The following WDR26 variants were observed in gnomAD, a reference collection of about 807,000 sequenced individuals.
WDR26 encodes WD repeat domain 26.
Under a neutral mutation model 84.1 loss-of-function variants are expected in WDR26, and 5 were observed. That is an observed-to-expected ratio of 0.06 (90% CI 0.03 to 0.13). The LOEUF (loss-of-function observed/expected upper bound fraction) is 0.13. Ranked by LOEUF, WDR26 falls within the 10% of genes least tolerant of loss-of-function variation. WDR26 has a pLI of 1.00. For synonymous variants in WDR26, 415 were observed against 389.6 expected, an observed-to-expected ratio of 1.07 and a Z score of -0.77; for missense variants, 642 against 974.9, an observed-to-expected ratio of 0.66 and a Z score of 4.55.
intron 12 of WDR26, among the ~76,000 whole-genome samples, chr1:224,394,564 G>C (rs1384923923): frequency 6.6e-6 from 1 of 151,078 alleles, no homozygotes; most frequent in African/African-American, 2.4e-5. Context: ...GAGCGCAGTG[G>C]CAATATCTCG....
chr1:224,431,761 A>C lies in WDR26; in HGVS notation c.743T>G (p.Met248Arg), dbSNP rs1430966537. 6.2e-7 allele frequency: 1 copy of C among 1,612,778 alleles called. No individual in the cohort carries two copies. The highest frequency in any genetic ancestry group is 1.3e-5 in the African/African-American group (1 of 74,924). The stretch of plus-strand genomic sequence containing the variant: ...TTCTAAACGACATCCTGACTCTTGC[A>C]TGAGGAGATCAACAGTCTGGCTGCA... The change falls in exon 2 of 14, where the codon ATG (methionine) becomes AGG (arginine). Residue 248 changes from methionine to arginine, a missense_variant. Coordinates refer to ENST00000414423, the MANE Select transcript of WDR26 (RefSeq NM_001379403.1).
chr1:224,401,282 C>T (rs1456269417), intron 8 of WDR26, among the ~76,000 whole-genome samples: 1 of 152,116 alleles, frequency 6.6e-6, no homozygotes, highest in East Asian at 1.9e-4. Flanking sequence ...ATGTCTGGCA[C>T]AGGTAACCCA....
intron 12 of WDR26, 45 bp from the exon 13 acceptor site, chr1:224,394,058 C>A: frequency 1.5e-6 from 2 of 1,355,204 alleles, no homozygotes; most frequent in South Asian, 2.2e-5. Flanking sequence ...TTAATAAAAC[C>A]AACTAACTGA....
intron 6 of WDR26, among the ~76,000 whole-genome samples, chr1:224,414,514 A>G (rs1291524648): frequency 6.6e-6 from 1 of 152,262 alleles, no homozygotes; most frequent in African/African-American, 2.4e-5. Flanking sequence ...TCATTTATTC[A>G]TAATTCTTTA....
At chr1:224,401,685 AAAAAG>A (rs1256310207) in intron 8 of WDR26, among the ~76,000 whole-genome samples, 3 of 115,086 alleles carry the variant, frequency 2.6e-5, no homozygotes, top group African/African-American at 1.1e-4. Flanking sequence ...AAAAAAAAAA[AAAAAG>A]AAAAAAAAAA....
intron 3 of WDR26, chr1:224,430,364 C>T (rs1487544828): frequency 6.6e-6 from 1 of 151,816 alleles, no homozygotes; most frequent in Non-Finnish European, 1.5e-5. Context: ...AAAAATAATA[C>T]ACTACATCAT....
chr1:224,386,229 G>C lies in WDR26; in HGVS notation c.*3606C>G, dbSNP rs1050012929. ...TAAATCAGATATGGTTTCTGAAATG[G>C]AAGTAATGTGTTGGAGGGCAACCCA... On this transcript the variant is annotated 3_prime_UTR_variant, in exon 14 of 14. Transcript: ENST00000414423. 32 of 152,590 alleles carry C rather than the reference G, an allele frequency of 2.1e-4. No homozygotes were observed. The highest frequency in any genetic ancestry group is 7.5e-4 in the African/African-American group (31 of 41,430). 9.5% of individuals were successfully genotyped at this position (152,590 alleles called of 1,614,324 possible).
At chr1:224,401,154 C>A in intron 8 of WDR26, 85 bp from the exon 9 acceptor site, 1 of 1,375,756 alleles carries the variant, frequency 7.3e-7, no homozygotes, top group Non-Finnish European at 9.9e-7. Flanking sequence ...ACTGGGATGT[C>A]TGGCTGGTTT....
intron 8 of WDR26, among the ~76,000 whole-genome samples, chr1:224,402,283 C>A (rs1221950545): frequency 1.3e-5 from 2 of 152,194 alleles, no homozygotes; most frequent in Admixed American, 6.5e-5. Context: ...TAACTACTCT[C>A]CCCTATTTAC....
rs749749495 is a variant in WDR26, at chr1:224,418,322, G to A, written c.1257C>T (p.His419=). The A allele has an allele frequency of 2.5e-6, 4 of 1,613,646 alleles. No homozygotes were observed. Among genetic ancestry groups the A allele is most frequent in the Non-Finnish European group, 2.5e-6 (3 of 1,179,704 alleles). ...CTAGATTATTATCAAGTTTGGTATT[G>A]TGATATAGGCACCGATCCCTTTGTA... The change falls in exon 6 of 14, where the codon CAC becomes CAT. Residue 419 remains histidine (H), a synonymous_variant. Coordinates refer to ENST00000414423, the MANE Select transcript of WDR26 (RefSeq NM_001379403.1).
chr1:224,409,800 T>C (rs1337705656), intron 7 of WDR26, among the ~76,000 whole-genome samples: 1 of 151,660 alleles, frequency 6.6e-6, no homozygotes, highest in African/African-American at 2.4e-5. Context: ...GAGGTAGAGG[T>C]TGCAGTGAGC....
chr1:224,404,619 T>C lies in WDR26; in HGVS notation c.1459-49A>G, dbSNP rs774661406. The stretch of plus-strand genomic sequence containing the variant: ...AGTTAACCCCTATCACTAAAGTCAT[T>C]GTTTCCCAATGTAAGAACTTAAATA... On this transcript the variant is annotated intron_variant, in intron 7 of 13. Coordinates refer to ENST00000414423, the MANE Select transcript of WDR26 (RefSeq NM_001379403.1). The C allele has an allele frequency of 1.9e-6, 3 of 1,554,722 alleles. No homozygotes were observed. In the South Asian group the frequency reaches 3.6e-5, roughly 19 times the overall value.
In WDR26 at chr1:224,389,742, A is replaced by T; in HGVS notation, c.*93T>A. On this transcript the variant is annotated 3_prime_UTR_variant, in exon 14 of 14. Coordinates refer to ENST00000414423, the MANE Select transcript of WDR26 (RefSeq NM_001379403.1). ...TTTTTCATGACGAGCATGTCTGTCC[A>T]GCTATCAATCATGTTTGTTTGCACC... 7.9e-7 allele frequency: 1 copy of T among 1,258,800 alleles called. No individual in the cohort carries two copies. The highest frequency in any genetic ancestry group is 1.2e-6 in the Non-Finnish European group (1 of 861,428). The allele number at this position is 1,258,800 out of a possible 1,614,324, so 78.0% of individuals were successfully genotyped here.
chr1:224,407,171 T>TAA (rs1553355774), intron 7 of WDR26, among the ~76,000 whole-genome samples: 59 of 94,448 alleles, frequency 6.2e-4, no homozygotes, highest in African/African-American at 2.3e-3. Flanking sequence ...TATATATATA[T>TAA]AACTCAAAAA....
chr1:224,391,446 G>C (rs1457253932), intron 13 of WDR26, among the ~76,000 whole-genome samples: 2 of 149,430 alleles, frequency 1.3e-5, no homozygotes, highest in East Asian at 3.9e-4. Flanking sequence ...TAATTCTACT[G>C]TTAAAATTTT....
intron 6 of WDR26, among the ~76,000 whole-genome samples, chr1:224,415,578 A>G (rs1355296155): frequency 1.4e-5 from 2 of 148,110 alleles, no homozygotes; most frequent in African/African-American, 2.5e-5. Context: ...CTCCTGCCTC[A>G]GCCTCCTGAG....
intron 6 of WDR26, among the ~76,000 whole-genome samples, chr1:224,418,012 A>C (rs1673955917): frequency 6.6e-6 from 1 of 152,200 alleles, no homozygotes; most frequent in Admixed American, 6.5e-5. Context: ...CAGACACAGG[A>C]AACAAGTAAC....
At chr1:224,423,569 C>T (rs1674126037) in intron 4 of WDR26, among the ~76,000 whole-genome samples, 3 of 152,090 alleles carry the variant, frequency 2.0e-5, no homozygotes, top group South Asian at 2.1e-4. Context: ...GGCAACATAG[C>T]GAGACCTGTC....
rs1673963379 is a variant in WDR26, at chr1:224,418,254, T to C, written c.1319+6A>G. On this transcript the variant is annotated splice_donor_region_variant and intron_variant, in intron 6 of 13. Coordinates refer to ENST00000414423, the MANE Select transcript of WDR26 (RefSeq NM_001379403.1). Reference sequence around the variant, plus strand: ...TGTTTCAGAATATAGGAAGTTTTCCTCTTACCTACTACAAACATGGTCTAT... The same window carrying C: ...TGTTTCAGAATATAGGAAGTTTTCCCCTTACCTACTACAAACATGGTCTAT... The C allele has an allele frequency of 2.5e-6, 4 of 1,593,338 alleles. No homozygotes were observed. The African/African-American group carries it at 4.1e-5, about 16-fold the overall frequency.
Sources: gnomAD v4.1 joint callset for allele counts (sites outside exome capture counted in the v4.1 genomes callset) on GRCh38, gnomAD v4.1.1 for gene constraint, MANE v1.5 for transcripts, NCBI Gene and HGNC (gene_info 2026-07-23, HGNC 2026-07-21) for gene names.